Variants in SEPTIN7 observed in about 807,000 individuals in gnomAD.
The protein encoded by SEPTIN7 is septin 7, also known as septin-7.
SEPTIN7 carries 10 observed loss-of-function variants against 63.3 expected under a neutral mutation model. That is an observed-to-expected ratio of 0.16 (90% CI 0.10 to 0.27). The LOEUF (loss-of-function observed/expected upper bound fraction) is 0.27, where lower values mean the gene tolerates loss of function less well. Ranked by LOEUF, SEPTIN7 falls within the 10% of genes least tolerant of loss-of-function variation. SEPTIN7 has a pLI of 1.00. For synonymous variants in SEPTIN7, 131 were observed against 165.3 expected (o/e 0.79, Z 1.59); for missense variants, 310 against 521.0 (o/e 0.59, Z 3.94).
chr7:35,895,125 A>G (rs1787883322), intron 11 of SEPTIN7, among the ~76,000 whole-genome samples: 1 of 152,156 alleles, frequency 6.6e-6, no homozygotes, highest in Admixed American at 6.5e-5. Context: ...GGTGGGTAAG[A>G]GTTTCCTATT....
intron 3 of SEPTIN7, among the ~76,000 whole-genome samples, chr7:35,862,925 C>T (rs990013106): frequency 1.3e-5 from 2 of 152,054 alleles, no homozygotes; most frequent in African/African-American, 4.8e-5. Flanking sequence ...GATCAGAGTA[C>T]AAATCATGCC....
intron 12 of SEPTIN7, chr7:35,899,126 T>C (rs1788140758): frequency 6.6e-6 from 1 of 152,184 alleles, no homozygotes; most frequent in African/African-American, 2.4e-5. Context: ...TAAAAATCCA[T>C]AGAGCAGTTA....
chr7:35,843,339 G>A (rs935396910), intron 3 of SEPTIN7, among the ~76,000 whole-genome samples: 4 of 152,094 alleles, frequency 2.6e-5, no homozygotes, highest in African/African-American at 9.7e-5. Context: ...TAGTCCATTC[G>A]TATGCTCTAT....
downstream of SEPTIN7, among the ~76,000 whole-genome samples, chr7:35,911,346 A>G (rs1280067576): frequency 1.3e-5 from 2 of 152,220 alleles, no homozygotes; most frequent in African/African-American, 2.4e-5. Context: ...GCAGTTACAC[A>G]TGCTTTCTGA....
chr7:35,836,491 T>C (rs1392343984), intron 3 of SEPTIN7, among the ~76,000 whole-genome samples: 1 of 152,218 alleles, frequency 6.6e-6, no homozygotes, highest in Non-Finnish European at 1.5e-5. Flanking sequence ...TTTAATGATA[T>C]GTCAATAATG....
intron 4 of SEPTIN7, among the ~76,000 whole-genome samples, chr7:35,865,713 A>G (rs896236347): frequency 2.6e-5 from 4 of 152,200 alleles, no homozygotes; most frequent in African/African-American, 9.6e-5. Context: ...TTATTTCATG[A>G]AAGTGTTTTG....
chr7:35,851,619 C>T (rs1010572741), intron 3 of SEPTIN7, among the ~76,000 whole-genome samples: 2 of 151,874 alleles, frequency 1.3e-5, no homozygotes, highest in Admixed American at 6.6e-5. Flanking sequence ...GGGTTGTTTC[C>T]ACAGATCTTG....
At chr7:35,810,507 T>G (rs1017327606) in intron 1 of SEPTIN7, among the ~76,000 whole-genome samples, 4 of 151,752 alleles carry the variant, frequency 2.6e-5, no homozygotes, top group Non-Finnish European at 5.9e-5. Flanking sequence ...GTGTTTTTAG[T>G]AGAGCCTGGG....
intron 1 of SEPTIN7, among the ~76,000 whole-genome samples, chr7:35,828,676 C>T (rs138370664): frequency 0.017 from 2,660 of 152,282 alleles, 34 homozygotes; most frequent in Non-Finnish European, 0.026. Context: ...CGTGCCCTGC[C>T]GACCTCCTGT....
chr7:35,819,913 CATTA>C (rs1789310459), intron 1 of SEPTIN7, among the ~76,000 whole-genome samples: 2 of 151,758 alleles, frequency 1.3e-5, no homozygotes, highest in South Asian at 4.1e-4. Context: ...CAGCAAAATA[CATTA>C]GTTACATTTA....
At chr7:35,856,387 A>G (rs1437951936) in intron 3 of SEPTIN7, among the ~76,000 whole-genome samples, 2 of 152,184 alleles carry the variant, frequency 1.3e-5, no homozygotes, top group Admixed American at 6.5e-5. Flanking sequence ...CTACTGAAGG[A>G]CATTGTGGTT....
intron 4 of SEPTIN7, among the ~76,000 whole-genome samples, chr7:35,864,100 A>G (rs528840011): frequency 1.3e-5 from 2 of 152,052 alleles, no homozygotes; most frequent in African/African-American, 4.8e-5. Context: ...AGAAAATTGC[A>G]TTAGATGGTG....
At chr7:35,880,586 A>G (rs1002354955) in intron 7 of SEPTIN7, among the ~76,000 whole-genome samples, 2 of 151,636 alleles carry the variant, frequency 1.3e-5, no homozygotes, top group Non-Finnish European at 2.9e-5. Context: ...ACCCGTATTT[A>G]TTGATATGGG....
chr7:35,831,392 G>A, intron 1 of SEPTIN7, 100 bp from the exon 2 acceptor site: 1 of 370,616 alleles, frequency 2.7e-6, no homozygotes. Flanking sequence ...GACTGAATAT[G>A]TCATTACAAT....
chr7:35,857,389 TA>T (rs913897269), intron 3 of SEPTIN7, among the ~76,000 whole-genome samples: 3 of 151,176 alleles, frequency 2.0e-5, no homozygotes, highest in South Asian at 2.1e-4. Flanking sequence ...TAATTGGTCT[TA>T]AAAAAAAAGG....
chr7:35,911,086 G>A (rs1254291516), downstream of SEPTIN7, among the ~76,000 whole-genome samples: 9 of 152,220 alleles, frequency 5.9e-5, no homozygotes, highest in East Asian at 1.2e-3. Flanking sequence ...CAACTGTCAC[G>A]AGCAACACCC....
chr7:35,910,102 G>C (rs1323460110), downstream of SEPTIN7, among the ~76,000 whole-genome samples: 1 of 152,226 alleles, frequency 6.6e-6, no homozygotes, highest in Non-Finnish European at 1.5e-5. Context: ...GTGACATGGT[G>C]GCTGGCTTTC....
chr7:35,880,164 A>G (rs769450507), intron 7 of SEPTIN7, among the ~76,000 whole-genome samples: 2 of 128,942 alleles, frequency 1.6e-5, no homozygotes, highest in East Asian at 4.6e-4. Context: ...ATTTCTCCCC[A>G]TACTCTTTAG....
chr7:35,852,602 G>A (rs1464511125), intron 3 of SEPTIN7, among the ~76,000 whole-genome samples: 1 of 152,140 alleles, frequency 6.6e-6, no homozygotes, highest in Non-Finnish European at 1.5e-5. Flanking sequence ...TAAAAGGACT[G>A]CTCACTCATT....
Sources: allele counts gnomAD v4.1 joint callset (sites outside exome capture counted in the v4.1 genomes callset), GRCh38; gene constraint gnomAD v4.1.1; transcripts MANE v1.5; gene names NCBI Gene and HGNC (gene_info 2026-07-23, HGNC 2026-07-21).